The following SRL variants were observed in gnomAD, a reference collection of about 807,000 sequenced individuals.
SRL encodes the protein sarcalumenin.
In SRL, 23 loss-of-function variants were observed where a neutral mutation model predicts 39.5. That is an observed-to-expected ratio of 0.58 (90% CI 0.42 to 0.82). The LOEUF (loss-of-function observed/expected upper bound fraction) is 0.82, where lower values mean the gene tolerates loss of function less well. SRL is among the 40% of genes least tolerant of loss of function. The pLI, the probability that SRL is intolerant of heterozygous loss-of-function variation, is 0.00. For missense variants in SRL, 592 were observed against 607.8 expected (o/e 0.97, Z 0.27); for synonymous variants, 272 against 237.4 (o/e 1.15, Z -1.34).
Position 4,192,341 on chromosome 16 carries a change from T to G in SRL, c.1234A>C (p.Ser412Arg). The G allele has an allele frequency of 6.2e-7, 1 of 1,614,144 alleles. No homozygotes were observed. The change falls in exon 6 of 6, where the codon AGT becomes CGT. Residue 412 changes from serine to arginine, a missense_variant. Physicochemically the swap from Ser to Arg is moderately radical, Grantham distance 110 (BLOSUM62 -1). Transcript: ENST00000399609. This position sits in a 1 kb window ranked among gnomAD's most constrained non-coding sequence, Gnocchi z 4.0. ...CACTGCTGGGAGAGCAGTTTGAAAC[T>G]GGAAATGGGATTGATGCCGAAGAAG... ...KDFFGINPISSFKLLSQQCSY... is the reference protein window; with the variant it reads ...KDFFGINPISRFKLLSQQCSY...
intron 1 of SRL, 74 bp from the exon 2 acceptor site, chr16:4,204,708 A>T (rs2052295824): frequency 2.2e-6 from 3 of 1,369,962 alleles, no homozygotes; most frequent in Middle Eastern, 3.6e-4. Context: ...GGCACAGCAG[A>T]CGAGGGCTGG....
intron 1 of SRL, among the ~76,000 whole-genome samples, chr16:4,211,152 G>T (rs962636904): frequency 6.8e-6 from 1 of 147,354 alleles, no homozygotes. Context: ...TATAGCACCA[G>T]CATCATGATT....
At chr16:4,240,312 C>T (rs1307803414) in intron 1 of SRL, among the ~76,000 whole-genome samples, 1 of 152,112 alleles carries the variant, frequency 6.6e-6, no homozygotes, top group Non-Finnish European at 1.5e-5. Flanking sequence ...GGGAAATCAC[C>T]CAGTAGGAAG....
chr16:4,218,063 A>G lies in SRL; in HGVS notation c.62-13429T>C, dbSNP rs529082177. The stretch of plus-strand genomic sequence containing the variant: ...AGCAGGCTGAGCTGTCAACACTCCC[A>G]GGGGCCAGGAGCTCGTTCTGCTGAT... On this transcript the variant is annotated intron_variant, in intron 1 of 5. Coordinates refer to ENST00000399609, the MANE Select transcript of SRL (RefSeq NM_001098814.2). Among the ~76,000 whole-genome samples, 3 of 152,228 alleles carry G rather than the reference A, an allele frequency of 2.0e-5. No individual in the cohort carries two copies. In the East Asian group the frequency reaches 5.8e-4, roughly 29 times the overall value.
intron 1 of SRL, among the ~76,000 whole-genome samples, chr16:4,220,012 C>A (rs1301830568): frequency 6.6e-6 from 1 of 152,078 alleles, no homozygotes; most frequent in Non-Finnish European, 1.5e-5. Context: ...GAAGGGAAGA[C>A]CCTCCCAGCC....
At chr16:4,235,811 C>G (rs764908671) in intron 1 of SRL, among the ~76,000 whole-genome samples, 1 of 152,206 alleles carries the variant, frequency 6.6e-6, no homozygotes, top group African/African-American at 2.4e-5. Context: ...AGCCCTGGGC[C>G]GGGCACGGTG....
intron 1 of SRL, chr16:4,239,511 T>A (rs1260063405): frequency 1.3e-5 from 2 of 152,306 alleles, no homozygotes; most frequent in Non-Finnish European, 2.9e-5. Context: ...AGAAATGAAA[T>A]GCTTTCTCAG....
chr16:4,207,364 C>T, intron 1 of SRL: 1 of 456,804 alleles, frequency 2.2e-6, no homozygotes, highest in South Asian at 1.5e-5. Flanking sequence ...CCGGGCTCCC[C>T]CTGGTCCTCG....
intron 1 of SRL, among the ~76,000 whole-genome samples, chr16:4,236,496 G>A (rs1242269325): frequency 6.6e-6 from 1 of 152,084 alleles, no homozygotes; most frequent in Non-Finnish European, 1.5e-5. Flanking sequence ...CTCCATGGGT[G>A]ACCTCAGAGC....
intron 1 of SRL, chr16:4,207,896 G>A (rs768608270): frequency 2.4e-5 from 11 of 456,558 alleles, no homozygotes; most frequent in South Asian, 1.7e-4. Flanking sequence ...CAGGATCGGG[G>A]CCCGCGCTGG....
chr16:4,217,604 A>T (rs1981570), intron 1 of SRL, among the ~76,000 whole-genome samples: 2 of 152,012 alleles, frequency 1.3e-5, no homozygotes, highest in African/African-American at 2.4e-5. Context: ...TACCCAGCGA[A>T]GTAACCTTGG....
intron 1 of SRL, among the ~76,000 whole-genome samples, chr16:4,221,726 A>G (rs1184149947): frequency 6.6e-6 from 1 of 152,178 alleles, no homozygotes; most frequent in East Asian, 1.9e-4. Flanking sequence ...GTGTTCACTC[A>G]CAGTCCTAGA....
intron 1 of SRL, chr16:4,206,908 G>T (rs781667926): frequency 2.0e-5 from 9 of 456,380 alleles, no homozygotes; most frequent in East Asian, 7.0e-5. Context: ...CCTTCCTGGG[G>T]TTCCCTGGCT....
At chr16:4,209,069 T>C (rs1053834951) in intron 1 of SRL, among the ~76,000 whole-genome samples, 2 of 152,202 alleles carry the variant, frequency 1.3e-5, no homozygotes, top group East Asian at 3.9e-4. Flanking sequence ...GGTTGGGAGT[T>C]TGAGACCAGC....
intron 2 of SRL, 23 bp downstream of exon 2, chr16:4,204,510 G>A: frequency 6.2e-7 from 1 of 1,606,230 alleles, no homozygotes; most frequent in Non-Finnish European, 8.5e-7. Context: ...CCAGCCCTGG[G>A]CATATCTCCC....
In SRL at chr16:4,192,567, G is replaced by T. The variant is rs201849658; in HGVS notation, c.1008C>A (p.His336Gln). The change falls in exon 6 of 6, where the codon CAC becomes CAA. Residue 336 changes from histidine (H) to glutamine (Q), a missense_variant. Physicochemically the swap from His to Gln is conservative, Grantham distance 24. Coordinates refer to ENST00000399609, the MANE Select transcript of SRL (RefSeq NM_001098814.2). The surrounding 1 kb of genome is among the most constrained non-coding windows in gnomAD (Gnocchi z 4.0). ...GGGCGTGGATGCGGACCCGGATGGC[G>T]TGCTGGCGGATGAAGGCAATCTTGT... ...LENKIAFIRQHAIRVRIHALL... is the reference protein window; with the variant it reads ...LENKIAFIRQQAIRVRIHALL... The T allele has an allele frequency of 1.2e-6, 2 of 1,614,184 alleles. No homozygotes were observed. Among genetic ancestry groups the T allele is most frequent in the Non-Finnish European group, 1.7e-6 (2 of 1,180,038 alleles).
chr16:4,195,543 G>C lies in SRL; in HGVS notation c.610+10C>G, dbSNP rs1294299158. ...GAGCTTACACTGTTCAGAAATGAGG[G>C]CTAAATTACCTCTTTCTTGCTGCTT... is the stretch of plus-strand genomic sequence containing the variant. On this transcript the variant is annotated intron_variant, in intron 5 of 5. Transcript: ENST00000399609. The C allele has an allele frequency of 1.2e-6, 2 of 1,612,930 alleles. No individual in the cohort carries two copies. Among genetic ancestry groups the C allele is most frequent in the Non-Finnish European group, 8.5e-7 (1 of 1,179,102 alleles).
chr16:4,235,775 C>T lies in SRL; in HGVS notation c.61+6232G>A, dbSNP rs1164631012. On this transcript the variant is annotated intron_variant, in intron 1 of 5. Coordinates refer to ENST00000399609, the MANE Select transcript of SRL (RefSeq NM_001098814.2). Reference sequence around the variant, plus strand: ...TGAGTAACTCAGGCCACATATCCACCGCGCCAATTTCCACTTAAAAAAGCT... The same window carrying T: ...TGAGTAACTCAGGCCACATATCCACTGCGCCAATTTCCACTTAAAAAAGCT... Among the ~76,000 whole-genome samples, 5 of 152,120 alleles carry T rather than the reference C, an allele frequency of 3.3e-5. No individual in the cohort carries two copies. The East Asian group carries it at 5.8e-4, about 18-fold the overall frequency.
intron 1 of SRL, 83 bp from the exon 2 acceptor site, chr16:4,204,717 G>A (rs1250099648): frequency 3.9e-6 from 5 of 1,268,064 alleles, no homozygotes; most frequent in Non-Finnish European, 5.7e-6. Flanking sequence ...GACGAGGGCT[G>A]GGCCTCAAGC....
Sources: gnomAD v4.1 joint callset for allele counts (sites outside exome capture counted in the v4.1 genomes callset) on GRCh38, gnomAD v4.1.1 for gene constraint, Gnocchi (gnomAD v3.1) non-coding constraint, MANE v1.5 for transcripts, NCBI Gene and HGNC (gene_info 2026-07-23, HGNC 2026-07-21) for gene names.